Variants in HECA observed in about 807,000 individuals in gnomAD.
HECA encodes HECA ribonucleoprotein granule regulator, also known as headcase protein homolog.
A neutral mutation model predicts 37.6 loss-of-function variants in HECA; 13 were observed. The observed-to-expected ratio is 0.35, with a 90% CI of 0.23 to 0.55. HECA has a LOEUF of 0.55. HECA is among the 20% of genes least tolerant of loss of function. The probability of loss-of-function intolerance (pLI) is 0.90; values close to 1 mark genes in which losing one functional copy is unlikely to be tolerated. For missense variants in HECA, 527 were observed against 701.9 expected (o/e 0.75, Z 2.82); for synonymous variants, 307 against 291.5 (o/e 1.05, Z -0.54).
At chr6:139,142,905 G>A (rs1024722147) in intron 1 of HECA, among the ~76,000 whole-genome samples, 40 of 152,076 alleles carry the variant, frequency 2.6e-4, no homozygotes, top group African/African-American at 8.2e-4. Flanking sequence ...CTGAGATCGC[G>A]CCATTGCACT....
At chr6:139,154,857 A>G (rs945850549) in intron 1 of HECA, among the ~76,000 whole-genome samples, 3 of 152,248 alleles carry the variant, frequency 2.0e-5, no homozygotes, top group Non-Finnish European at 2.9e-5. Flanking sequence ...TGTGCTGACA[A>G]AGGAGGACAT....
At chr6:139,149,299 GC>G (rs1293661681) in intron 1 of HECA, among the ~76,000 whole-genome samples, 1 of 152,164 alleles carries the variant, frequency 6.6e-6, no homozygotes, top group Non-Finnish European at 1.5e-5. Context: ...AGGTGATCTG[GC>G]TCTGCCATTT....
intron 1 of HECA, among the ~76,000 whole-genome samples, chr6:139,145,403 GAAAC>G (rs1319827664): frequency 1.3e-5 from 2 of 152,128 alleles, no homozygotes; most frequent in African/African-American, 2.4e-5. Context: ...CTAAGAGTGA[GAAAC>G]AAGAAAGATA....
Position 139,135,675 on chromosome 6 carries a change from G to A in HECA, c.271+8G>A. On this transcript the variant is annotated splice_region_variant and intron_variant, in intron 1 of 3. Coordinates refer to ENST00000367658, the MANE Select transcript of HECA (RefSeq NM_016217.3). ...CGGGCGATGCCAAAAACGGTAAGAC[G>A]GGGCTGGCGGGGCGAGCGCCAACTT... is the stretch of plus-strand genomic sequence containing the variant. 5 of 980,192 alleles carry A rather than the reference G, an allele frequency of 5.1e-6. No individual in the cohort carries two copies. The highest frequency in any genetic ancestry group is 6.1e-6 in the Non-Finnish European group (5 of 824,554). The allele number at this position is 980,192 out of a possible 1,614,324, so 60.7% of individuals were successfully genotyped here. A position where few individuals can be genotyped will look rare whatever the true frequency, so the allele number is the denominator to read the frequency against.
intron 1 of HECA, among the ~76,000 whole-genome samples, chr6:139,155,119 T>C (rs1241462758): frequency 6.6e-6 from 1 of 152,200 alleles, no homozygotes; most frequent in Non-Finnish European, 1.5e-5. Context: ...GCCTACTACA[T>C]ACGTAGGCCA....
chr6:139,166,539 G>C lies in HECA; in HGVS notation c.527G>C (p.Cys176Ser). The C allele has an allele frequency of 6.2e-7, 1 of 1,614,252 alleles. No homozygotes were observed. The highest frequency in any genetic ancestry group is 8.5e-7 in the Non-Finnish European group (1 of 1,180,050). The change falls in exon 2 of 4, where the codon TGC becomes TCC. Residue 176 changes from cysteine to serine, a missense_variant. By Grantham distance (112) the Cys-to-Ser change is moderately radical (BLOSUM62 -1). Around this residue, in one of 4 missense-constraint regions of HECA, gnomAD observed 21 missense variants for 51.2 expected, o/e 0.41. Coordinates refer to ENST00000367658, the MANE Select transcript of HECA (RefSeq NM_016217.3). ...KKGYDLAFRF[C>S]SCRCGQGHLK... ...GGCTACGACCTGGCCTTCCGCTTCT[G>C]CTCTTGCCGCTGTGGCCAGGGCCAC...
intron 2 of HECA, among the ~76,000 whole-genome samples, chr6:139,172,761 G>A (rs574631898): frequency 1.3e-5 from 2 of 152,318 alleles, no homozygotes; most frequent in African/African-American, 4.8e-5. Flanking sequence ...TAAATCTTAA[G>A]AACTTGGGCA....
chr6:139,173,301 T>C (rs1261935075), intron 2 of HECA, among the ~76,000 whole-genome samples: 3 of 152,216 alleles, frequency 2.0e-5, no homozygotes, highest in African/African-American at 7.2e-5. Context: ...TAAAGTGCTT[T>C]CCACATCCCA....
chr6:139,179,507 A>G lies in HECA; in HGVS notation c.*2402A>G, dbSNP rs1039425578. On this transcript the variant is annotated 3_prime_UTR_variant, in exon 4 of 4. Coordinates refer to ENST00000367658, the MANE Select transcript of HECA (RefSeq NM_016217.3). ...AATTGGGTAAAGTTTACTCTTGGACATTATTTCGATGCTAAAGTAAGGATT... is the reference window on the plus strand; with the variant it reads ...AATTGGGTAAAGTTTACTCTTGGACGTTATTTCGATGCTAAAGTAAGGATT... 1.3e-5 allele frequency: 2 copies of G among 152,208 alleles called. No individual in the cohort carries two copies. The highest frequency in any genetic ancestry group is 2.4e-5 in the African/African-American group (1 of 41,462). The allele number at this position is 152,208 out of a possible 1,614,324, so 9.4% of individuals were successfully genotyped here. A position where few individuals can be genotyped will look rare whatever the true frequency, so the allele number is the denominator to read the frequency against.
chr6:139,147,819 C>G (rs1774604074), intron 1 of HECA, among the ~76,000 whole-genome samples: 1 of 152,134 alleles, frequency 6.6e-6, no homozygotes. Context: ...GACCAGAGTT[C>G]ATAACTAGCA....
At chr6:139,146,199 G>A (rs1056926032) in intron 1 of HECA, among the ~76,000 whole-genome samples, 19 of 152,076 alleles carry the variant, frequency 1.2e-4, no homozygotes, top group African/African-American at 2.4e-5. Context: ...TTCATAACAC[G>A]TGATCAAGAG....
intron 1 of HECA, among the ~76,000 whole-genome samples, chr6:139,148,346 A>G (rs1774609884): frequency 6.6e-6 from 1 of 152,246 alleles, no homozygotes; most frequent in Non-Finnish European, 1.5e-5. Context: ...CTTGTAGGCA[A>G]AGCAGTTTGG....
In HECA at chr6:139,151,587, A is replaced by G. The variant is rs534797063; in HGVS notation, c.272-14697A>G. Among the ~76,000 whole-genome samples, 3 of 152,334 alleles carry G rather than the reference A, an allele frequency of 2.0e-5. No individual in the cohort carries two copies. The East Asian group carries it at 5.8e-4, about 29-fold the overall frequency. On this transcript the variant is annotated intron_variant, in intron 1 of 3. Coordinates refer to ENST00000367658, the MANE Select transcript of HECA (RefSeq NM_016217.3). ...TCTTTTGAGTTTAGCAATTCTATTAACTAGAGCAGATTGACTTTCTTGTCA... is the reference window on the plus strand; with the variant it reads ...TCTTTTGAGTTTAGCAATTCTATTAGCTAGAGCAGATTGACTTTCTTGTCA...
chr6:139,166,657 T>C lies in HECA; in HGVS notation c.645T>C (p.Pro215=). The C allele has an allele frequency of 2.5e-6, 4 of 1,613,934 alleles. No homozygotes were observed. The highest frequency in any genetic ancestry group is 3.4e-6 in the Non-Finnish European group (4 of 1,179,938). Residue 215 remains proline (P), a synonymous_variant, in exon 2 of 4, where the codon CCT becomes CCC. Transcript: ENST00000367658. ...CCGAGAAGAACACAGGGAGGCCTCC[T>C]GGTGAGGCGGCGGAGGAGGCAAAAA... The part of the protein sequence containing the change: ...SGSEKNTGRP[P]GEAAEEAKKC...
In HECA at chr6:139,166,387, C is replaced by G; in HGVS notation, c.375C>G (p.Cys125Trp). ...TGTGCAACAACGAGCACTGCCCCTGCAGCACCTGGATGCACCTGCAGTGCT... is the reference window on the plus strand; with the variant it reads ...TGTGCAACAACGAGCACTGCCCCTGGAGCACCTGGATGCACCTGCAGTGCT... ...KVVCNNEHCP[C>W]STWMHLQCFY... is the part of the protein sequence containing the mutation. The change falls in exon 2 of 4, where the codon TGC becomes TGG. Residue 125 changes from cysteine (C) to tryptophan (W), a missense_variant. Physicochemically the swap from Cys to Trp is radical, Grantham distance 215. Coordinates refer to ENST00000367658, the MANE Select transcript of HECA (RefSeq NM_016217.3). 6.2e-7 allele frequency: 1 copy of G among 1,614,224 alleles called. No individual in the cohort carries two copies. Among genetic ancestry groups the G allele is most frequent in the Non-Finnish European group, 8.5e-7 (1 of 1,180,022 alleles).
intron 1 of HECA, among the ~76,000 whole-genome samples, chr6:139,146,447 T>C (rs773245957): frequency 3.9e-4 from 59 of 152,346 alleles, no homozygotes; most frequent in Non-Finnish European, 2.6e-4. Flanking sequence ...GTGATGCTTA[T>C]TTCAGTGTAA....
chr6:139,176,921 A>T lies in HECA; in HGVS notation c.1468-20A>T. 1 of 860,250 alleles carries T rather than the reference A, an allele frequency of 1.2e-6. No homozygotes were observed. Among genetic ancestry groups the T allele is most frequent in the Non-Finnish European group, 2.0e-6 (1 of 492,358 alleles). 53.3% of individuals were successfully genotyped at this position (860,250 alleles called of 1,614,324 possible). A position where few individuals can be genotyped will look rare whatever the true frequency, so the allele number is the denominator to read the frequency against. On this transcript the variant is annotated intron_variant, in intron 3 of 3. Coordinates refer to ENST00000367658, the MANE Select transcript of HECA (RefSeq NM_016217.3). The surrounding 1 kb of genome is among the most constrained non-coding windows in gnomAD (Gnocchi z 4.5). ...GGGAAGTGGAGGGGTGTTGTGGCTG[A>T]TGGTGTCTGTTTCCCCCAGGCCCGC...
At chr6:139,166,186 A>G (rs1355346401) in intron 1 of HECA, 98 bp from the exon 2 acceptor site, 2 of 939,228 alleles carry the variant, frequency 2.1e-6, no homozygotes, top group African/African-American at 1.7e-5. Context: ...CATTATATTC[A>G]TGTCTTAGAA....
At chr6:139,139,443 C>T (rs1774488041) in intron 1 of HECA, among the ~76,000 whole-genome samples, 1 of 152,224 alleles carries the variant, frequency 6.6e-6, no homozygotes, top group South Asian at 2.1e-4. Context: ...ACAGTACCAG[C>T]TTACGAAGTA....
Sources: allele counts gnomAD v4.1 joint callset (sites outside exome capture counted in the v4.1 genomes callset), GRCh38; gene constraint gnomAD v4.1.1; regional missense constraint gnomAD v4.1.1; non-coding constraint Gnocchi (gnomAD v3.1); transcripts MANE v1.5; gene names NCBI Gene and HGNC (gene_info 2026-07-23, HGNC 2026-07-21).